METTL25B: variants seen among roughly 807,000 people sequenced by gnomAD.
METTL25B encodes the protein methyltransferase like 25B.
In METTL25B, 38 loss-of-function variants were observed where a neutral mutation model predicts 48.4. The observed-to-expected ratio is 0.78, with a 90% confidence interval of 0.61 to 1.03. The LOEUF is 1.03. METTL25B is among the 50% of genes least tolerant of loss of function. The pLI, the probability that METTL25B is intolerant of heterozygous loss-of-function variation, is 0.00. For missense variants in METTL25B, 537 were observed against 603.7 expected (o/e 0.89, Z 1.16); for synonymous variants, 230 against 254.5 (o/e 0.90, Z 0.92).
chr1:156,731,701 T>C (rs1430695388), intron 1 of METTL25B, among the ~76,000 whole-genome samples: 2 of 152,162 alleles, frequency 1.3e-5, no homozygotes, highest in African/African-American at 4.8e-5. Context: ...AGAAATTCAA[T>C]TTAATAGAGA....
In METTL25B at chr1:156,734,394, A is replaced by G. The variant is rs201500285; in HGVS notation, c.1022A>G (p.Tyr341Cys). ...KAGPGLRTHCYRAALETVIRR... is the reference protein window; with the variant it reads ...KAGPGLRTHCCRAALETVIRR... Reference sequence around the variant, plus strand: ...GGCCCTGGCCTTCGAACTCACTGCTACCGTGCAGCACTGGAGACAGTCATC... The same window carrying G: ...GGCCCTGGCCTTCGAACTCACTGCTGCCGTGCAGCACTGGAGACAGTCATC... Residue 341 changes from tyrosine (Y) to cysteine (C), a missense_variant, in exon 6 of 8, where the codon TAC (tyrosine) becomes TGC (cysteine). Tyr to Cys is a radical substitution (Grantham distance 194). Transcript: ENST00000368216. The G allele has an allele frequency of 5.0e-6, 8 of 1,613,150 alleles. No homozygotes were observed. Among genetic ancestry groups the G allele is most frequent in the Middle Eastern group, 1.6e-4 (1 of 6,084 alleles).
intron 1 of METTL25B, among the ~76,000 whole-genome samples, chr1:156,730,969 G>T (rs1638311666): frequency 6.6e-6 from 1 of 152,182 alleles, no homozygotes; most frequent in African/African-American, 2.4e-5. Context: ...TACATGCCTA[G>T]CACCTATTCA....
Position 156,736,725 on chromosome 1 carries a change from T to C in METTL25B, c.1400T>C (p.Leu467Pro). ...ACCAAGATGCCCCTGGGTCAGGCTC[T>C]TTCTGTTCTGGAGACTGAAGACAGC... is the stretch of plus-strand genomic sequence containing the variant. ...VATKMPLGQALSVLETEDS is the reference protein window; with the variant it reads ...VATKMPLGQAPSVLETEDS The change falls in exon 8 of 8, where the codon CTT (leucine) becomes CCT (proline). Residue 467 changes from leucine (L) to proline (P), a missense_variant. Physicochemically the swap from Leu to Pro is moderately conservative, Grantham distance 98. Transcript: ENST00000368216. The C allele has an allele frequency of 5.0e-6, 8 of 1,613,244 alleles. No homozygotes were observed. Among genetic ancestry groups the C allele is most frequent in the Non-Finnish European group, 6.8e-6 (8 of 1,180,012 alleles).
chr1:156,734,097 T>G lies in METTL25B; in HGVS notation c.725T>G (p.Leu242Arg), dbSNP rs1435495454. Residue 242 changes from leucine (L) to arginine (R), a missense_variant, in exon 6 of 8, where the codon CTG becomes CGG. By Grantham distance (102) the Leu-to-Arg change is moderately radical. Transcript: ENST00000368216. ...TALCEELLLPLENPCQGRARL... is the reference protein window; with the variant it reads ...TALCEELLLPRENPCQGRARL... ...CTGTGTGAGGAGCTTCTGCTTCCAC[T>G]GGAGAACCCGTGTCAGGGCAGGGCC... The G allele has an allele frequency of 1.2e-6, 2 of 1,614,198 alleles. No individual in the cohort carries two copies. The highest frequency in any genetic ancestry group is 2.2e-5 in the South Asian group (2 of 91,088).
chr1:156,735,800 CGTGG>C lies in METTL25B; in HGVS notation c.1198_1201del (p.Val400ProfsTer79). The C allele has an allele frequency of 6.2e-7, 1 of 1,612,216 alleles. No individual in the cohort carries two copies. The highest frequency in any genetic ancestry group is 2.2e-5 in the East Asian group (1 of 44,612). On this transcript the variant is annotated frameshift_variant, in exon 7 of 8. Coordinates refer to ENST00000368216, the MANE Select transcript of METTL25B (RefSeq NM_015997.4). LOFTEE classifies it high-confidence loss of function. ...TGAATCTGGCTGCCCTTCAGGCCCA[CGTGG>C]CCCAGGAGAACCGTGTGGTGGCCTT...
rs1232886073 is a variant in METTL25B, at chr1:156,736,943, A to G, written c.*190A>G. 1.2e-5 allele frequency: 7 copies of G among 591,352 alleles called. No homozygotes were observed. The highest frequency in any genetic ancestry group is 2.0e-5 in the Non-Finnish European group (7 of 349,928). 36.6% of individuals were successfully genotyped at this position (591,352 alleles called of 1,614,324 possible). A position where few individuals can be genotyped will look rare whatever the true frequency, so the allele number is the denominator to read the frequency against. On this transcript the variant is annotated 3_prime_UTR_variant, in exon 8 of 8. Coordinates refer to ENST00000368216, the MANE Select transcript of METTL25B (RefSeq NM_015997.4). ...AAAGTTTTAATTAATTAAAAATTGG[A>G]TATCTGTTTCCTTCCCATTTCTGTA...
At chr1:156,733,125 A>G (rs1649437129) in intron 4 of METTL25B, 78 bp downstream of exon 4, 2 of 1,343,826 alleles carry the variant, frequency 1.5e-6, no homozygotes, top group Non-Finnish European at 2.1e-6. Context: ...ATCGGGCCAC[A>G]GGCCCAGCGA....
At chr1:156,736,572 C>T in intron 7 of METTL25B, 60 bp from the exon 8 acceptor site, 8 of 1,603,768 alleles carry the variant, frequency 5.0e-6, no homozygotes, top group Non-Finnish European at 6.8e-6. Context: ...CAGGCCTGGG[C>T]AGAAGAGGCT....
Position 156,728,964 on chromosome 1 carries a change from C to T in METTL25B, c.-141C>T, listed in dbSNP as rs1648973094. 1.8e-6 allele frequency: 1 copy of T among 567,674 alleles called. No homozygotes were observed. 35.2% of individuals were successfully genotyped at this position (567,674 alleles called of 1,614,324 possible). A position where few individuals can be genotyped will look rare whatever the true frequency, so the allele number is the denominator to read the frequency against. Reference sequence around the variant, plus strand: ...ACTCCAGCATCGGATCCCGGAAAGGCAGCGTCGGAGACTGGACCCAAAACT... The same window carrying T: ...ACTCCAGCATCGGATCCCGGAAAGGTAGCGTCGGAGACTGGACCCAAAACT... On this transcript the variant is annotated 5_prime_UTR_variant, in exon 1 of 8. Transcript: ENST00000368216.
chr1:156,732,237 T>C lies in METTL25B; in HGVS notation c.237-44T>C, dbSNP rs1041101105. On this transcript the variant is annotated intron_variant, in intron 2 of 7. Transcript: ENST00000368216. ...CGGGTTGTAAACTGCTGCACTCAGA[T>C]GTGATGGGACTATTCACTGGAGGCC... is the stretch of plus-strand genomic sequence containing the variant. 3 of 1,610,370 alleles carry C rather than the reference T, an allele frequency of 1.9e-6. No homozygotes were observed. In the African/African-American group the frequency reaches 4.0e-5, roughly 22 times the overall value.
chr1:156,731,816 G>A (rs1439287439), intron 1 of METTL25B, among the ~76,000 whole-genome samples, 175 bp from the exon 2 acceptor site: 1 of 152,246 alleles, frequency 6.6e-6, no homozygotes, highest in Admixed American at 6.5e-5. Flanking sequence ...GGAGGCTGGA[G>A]CAGGCTTCAG....
chr1:156,728,990 C>G lies in METTL25B; in HGVS notation c.-115C>G. ...AGCGTCGGAGACTGGACCCAAAACT[C>G]TTCCTGTTCTGCCTGCAGAGTTGAG... On this transcript the variant is annotated 5_prime_UTR_variant, in exon 1 of 8. Coordinates refer to ENST00000368216, the MANE Select transcript of METTL25B (RefSeq NM_015997.4). 1 of 596,612 alleles carries G rather than the reference C, an allele frequency of 1.7e-6. No homozygotes were observed. The highest frequency in any genetic ancestry group is 2.8e-6 in the Non-Finnish European group (1 of 359,416). 37.0% of individuals were successfully genotyped at this position (596,612 alleles called of 1,614,324 possible).
chr1:156,734,041 C>T lies in METTL25B; in HGVS notation c.669C>T (p.His223=). 1 of 1,611,640 alleles carries T rather than the reference C, an allele frequency of 6.2e-7. No individual in the cohort carries two copies. Among genetic ancestry groups the T allele is most frequent in the Non-Finnish European group, 8.5e-7 (1 of 1,178,388 alleles). The stretch of plus-strand genomic sequence containing the variant: ...AAACCAGCCCTCGTCACTCCCCACA[C>T]CACGTGGTTAGGTGGGTAGACCCCA... The part of the protein sequence containing the change: ...VVQTSPRHSP[H]HVVRWVDPTA... Residue 223 remains histidine, a synonymous_variant, in exon 6 of 8, where the codon CAC becomes CAT. Coordinates refer to ENST00000368216, the MANE Select transcript of METTL25B (RefSeq NM_015997.4).
chr1:156,729,815 A>G (rs1649097474), intron 1 of METTL25B, among the ~76,000 whole-genome samples: 2 of 152,196 alleles, frequency 1.3e-5, no homozygotes, highest in South Asian at 4.1e-4. Context: ...TATACAATGG[A>G]TCCCAGTCTG....
In METTL25B at chr1:156,732,371, C is replaced by T; in HGVS notation, c.327C>T (p.Pro109=). Residue 109 remains proline (P), a synonymous_variant, in exon 3 of 8, where the codon CCC becomes CCT. Transcript: ENST00000368216. ...CCCGGATGCCTGGCTTTCAGACCCC[C>T]TCAGAATTCCTGGAGAACCCCAGCC... ...AFTRMPGFQT[P]SEFLENPSQS... 6.2e-7 allele frequency: 1 copy of T among 1,614,190 alleles called. No homozygotes were observed.
chr1:156,732,552 T>G (rs1172264669), intron 3 of METTL25B, 79 bp downstream of exon 3: 3 of 1,372,428 alleles, frequency 2.2e-6, no homozygotes, highest in Non-Finnish European at 3.0e-6. Context: ...ATGTGTGCCC[T>G]TTACCTCACA....
rs1413710234 is a variant in METTL25B at position 156,732,471 on chromosome 1, G to T, written c.427G>T (p.Glu143Ter). ...KKQHEIRRLG[E>*]LVKKLSDFTG... ...GCAGCATGAGATCCGGAGGCTGGGA[G>T]AGGTGAGGAGATGGCTGGAGCATGG... The change falls in exon 3 of 8, where the codon GAG (glutamate) becomes TAG (stop). Residue 143 changes from glutamate to a stop codon, truncating the protein, a stop_gained and splice_region_variant. Coordinates refer to ENST00000368216, the MANE Select transcript of METTL25B (RefSeq NM_015997.4). LOFTEE classifies it high-confidence loss of function. 3.1e-6 allele frequency: 5 copies of T among 1,612,970 alleles called. No individual in the cohort carries two copies. In the Admixed American group the frequency reaches 8.3e-5, roughly 27 times the overall value.
At position 156,734,094 on chromosome 1, in the gene METTL25B, C is replaced by T. The variant is rs1310349810; in HGVS notation, c.722C>T (p.Pro241Leu). Residue 241 changes from proline (P) to leucine (L), a missense_variant, in exon 6 of 8, where the codon CCA becomes CTA. Physicochemically the swap from Pro to Leu is moderately conservative, Grantham distance 98. Transcript: ENST00000368216. The part of the protein sequence containing the change: ...PTALCEELLL[P>L]LENPCQGRAR... ...GCCCTGTGTGAGGAGCTTCTGCTTC[C>T]ACTGGAGAACCCGTGTCAGGGCAGG... The T allele has an allele frequency of 3.1e-6, 5 of 1,614,094 alleles. No individual in the cohort carries two copies. The highest frequency in any genetic ancestry group is 4.2e-6 in the Non-Finnish European group (5 of 1,180,054).
Position 156,734,002 on chromosome 1 carries a change from T to C in METTL25B, c.637-7T>C. 1 of 1,588,078 alleles carries C rather than the reference T, an allele frequency of 6.3e-7. No individual in the cohort carries two copies. Among genetic ancestry groups the C allele is most frequent in the Non-Finnish European group, 8.6e-7 (1 of 1,165,444 alleles). Reference sequence around the variant, plus strand: ...CCATCTGCCTTTGTCCTTTCCTGCTTCCACAGGTGGTCCAAACCAGCCCTC... The same window carrying C: ...CCATCTGCCTTTGTCCTTTCCTGCTCCCACAGGTGGTCCAAACCAGCCCTC... On this transcript the variant is annotated splice_region_variant and splice_polypyrimidine_tract_variant and intron_variant, in intron 5 of 7. Transcript: ENST00000368216.
Sources: allele counts gnomAD v4.1 joint callset (sites outside exome capture counted in the v4.1 genomes callset), GRCh38; gene constraint gnomAD v4.1.1; transcripts MANE v1.5; gene names NCBI Gene and HGNC (gene_info 2026-07-23, HGNC 2026-07-21).